SLC7A1: variants seen among roughly 807,000 people sequenced by gnomAD.
SLC7A1 encodes high affinity cationic amino acid transporter 1.
SLC7A1 carries 10 observed loss-of-function variants against 53.9 expected under a neutral mutation model. The observed-to-expected ratio is 0.19, with a 90% CI of 0.11 to 0.31. SLC7A1 has a LOEUF of 0.31. Ranked by LOEUF, SLC7A1 falls within the 10% of genes least tolerant of loss-of-function variation. SLC7A1 has a pLI of 1.00. For synonymous variants in SLC7A1, 342 were observed against 338.7 expected (o/e 1.01, Z -0.11); for missense variants, 525 against 827.2 (o/e 0.63, Z 4.48).
chr13:29,522,166 C>A, intron 8 of SLC7A1, 151 bp downstream of exon 8: 1 of 847,458 alleles, frequency 1.2e-6, no homozygotes, highest in Non-Finnish European at 1.9e-6. Flanking sequence ...GGTCAGTCAA[C>A]TTTCAATGAA....
chr13:29,521,686 C>T (rs898800371), intron 8 of SLC7A1, among the ~76,000 whole-genome samples: 1 of 151,934 alleles, frequency 6.6e-6, no homozygotes, highest in African/African-American at 2.4e-5. Context: ...GTTCTCCTTT[C>T]CTTCATCTGG....
At chr13:29,526,424 A>G (rs1175565640) in intron 5 of SLC7A1, among the ~76,000 whole-genome samples, 1 of 152,140 alleles carries the variant, frequency 6.6e-6, no homozygotes, top group Non-Finnish European at 1.5e-5. Context: ...TTGAGCCATG[A>G]TTGTGCCACT....
chr13:29,514,314 G>T lies in SLC7A1; in HGVS notation c.*166C>A. ...CAGGGCCCGGAGAACCGGCTGCAGAGCCGAGGGTGGGCTGGGGCTGCAGGT... is the reference window on the plus strand; with the variant it reads ...CAGGGCCCGGAGAACCGGCTGCAGATCCGAGGGTGGGCTGGGGCTGCAGGT... On this transcript the variant is annotated 3_prime_UTR_variant, in exon 13 of 13. Coordinates refer to ENST00000380752, the MANE Select transcript of SLC7A1 (RefSeq NM_003045.5). The T allele has an allele frequency of 1.6e-6, 1 of 607,316 alleles. No homozygotes were observed. The highest frequency in any genetic ancestry group is 3.0e-6 in the Non-Finnish European group (1 of 337,736). 37.6% of individuals were successfully genotyped at this position (607,316 alleles called of 1,614,324 possible).
Position 29,530,578 on chromosome 13 carries a change from C to T in SLC7A1, c.664G>A (p.Glu222Lys). ...GSVKNWQLTE[E>K]DFGNTSGRLC... ...CGGCCTGATGTGTTCCCAAAATCCT[C>T]CTCCGTGAGCTGCCAGTTTTTAACC... The change falls in exon 5 of 13, where the codon GAG (glutamate) becomes AAG (lysine). Residue 222 changes from glutamate to lysine, a missense_variant. By Grantham distance (56) the Glu-to-Lys change is moderately conservative. This residue lies in a region of SLC7A1 where 354 missense variants were observed against 587.5 expected (regional missense o/e 0.60). Transcript: ENST00000380752. 6.2e-7 allele frequency: 1 copy of T among 1,614,184 alleles called. No individual in the cohort carries two copies. Among genetic ancestry groups the T allele is most frequent in the South Asian group, 1.1e-5 (1 of 91,082 alleles).
chr13:29,522,229 A>G, intron 8 of SLC7A1, 88 bp downstream of exon 8: 1 of 1,331,292 alleles, frequency 7.5e-7, no homozygotes, highest in Non-Finnish European at 1.1e-6. Context: ...AAGATTACTC[A>G]CAGACCAGAA....
Position 29,517,279 on chromosome 13 carries a change from G to A in SLC7A1, c.1542C>T (p.Thr514=), listed in dbSNP as rs749036397. The A allele has an allele frequency of 1.2e-5, 20 of 1,613,058 alleles. No homozygotes were observed. The highest frequency in any genetic ancestry group is 1.5e-5 in the Non-Finnish European group (18 of 1,179,648). ...AVLIITFCIV[T]VLGREALTKG... is the part of the protein sequence containing the mutation. ...TGGTGAGAGCCTCCCTTCCAAGCAC[G>A]GTCACAATGCAGAAGGTGATGATGA... is the stretch of plus-strand genomic sequence containing the variant. The change falls in exon 11 of 13, where the codon ACC becomes ACT. Residue 514 remains threonine (T), a synonymous_variant. Coordinates refer to ENST00000380752, the MANE Select transcript of SLC7A1 (RefSeq NM_003045.5).
At chr13:29,548,862 A>C (rs1322222562) in intron 2 of SLC7A1, among the ~76,000 whole-genome samples, 1 of 152,234 alleles carries the variant, frequency 6.6e-6, no homozygotes, top group Non-Finnish European at 1.5e-5. Context: ...TTATCTACGC[A>C]GTTCATGTCA....
Position 29,517,636 on chromosome 13 carries a change from G to A in SLC7A1, c.1447C>T (p.Pro483Ser), listed in dbSNP as rs1162298791. ...EMFSLKTILS[P>S]KNMEPSKISG... is the part of the protein sequence containing the mutation. Reference sequence around the variant, plus strand: ...ATTTTGGAAGGCTCCATGTTTTTGGGTGAGAGTATGGTTTTCAAAGAGAAC... The same window carrying A: ...ATTTTGGAAGGCTCCATGTTTTTGGATGAGAGTATGGTTTTCAAAGAGAAC... Residue 483 changes from proline to serine, a missense_variant, in exon 10 of 13, where the codon CCC (proline) becomes TCC (serine). Transcript: ENST00000380752. 6.2e-6 allele frequency: 10 copies of A among 1,614,198 alleles called. No homozygotes were observed. The East Asian group carries it at 1.6e-4, about 25-fold the overall frequency.
chr13:29,514,934 A>G (rs1480869213), intron 12 of SLC7A1, among the ~76,000 whole-genome samples: 1 of 152,196 alleles, frequency 6.6e-6, no homozygotes, highest in Non-Finnish European at 1.5e-5. Flanking sequence ...GAGAATGTGC[A>G]CTATGGAGAT....
intron 1 of SLC7A1, among the ~76,000 whole-genome samples, chr13:29,577,867 G>A (rs116913783): frequency 1.4e-4 from 22 of 152,266 alleles, no homozygotes; most frequent in Non-Finnish European, 2.4e-4. Flanking sequence ...GCTAGCCCCC[G>A]CGTGCTGGGC....
intron 1 of SLC7A1, among the ~76,000 whole-genome samples, chr13:29,571,505 C>T (rs567084777): frequency 5.3e-5 from 8 of 151,110 alleles, no homozygotes; most frequent in African/African-American, 7.2e-5. Context: ...CTTTCTAGAT[C>T]GCAATGAAGT....
At chr13:29,556,438 C>T (rs912830378) in intron 1 of SLC7A1, among the ~76,000 whole-genome samples, 5 of 152,088 alleles carry the variant, frequency 3.3e-5, no homozygotes, top group Admixed American at 2.0e-4. Flanking sequence ...AATGCAGTGG[C>T]ACAATCTTGG....
chr13:29,579,877 G>T (rs1470541713), intron 1 of SLC7A1, among the ~76,000 whole-genome samples: 3 of 152,098 alleles, frequency 2.0e-5, no homozygotes, highest in African/African-American at 4.8e-5. Flanking sequence ...ATGTTTCTGG[G>T]CTAACACAGG....
At position 29,539,398 on chromosome 13, in the gene SLC7A1, C is replaced by T. The variant is rs118073669; in HGVS notation, c.-14-3196G>A. 7.9e-5 allele frequency among the ~76,000 whole-genome samples: 12 copies of T among 152,258 alleles called. No homozygotes were observed. The East Asian group carries it at 2.1e-3, about 27-fold the overall frequency. ...TGCAAAGCCTATGTGCACACATGCA[C>T]GTATGTCACCACAGCACAGATCACT... On this transcript the variant is annotated intron_variant, in intron 2 of 12. Transcript: ENST00000380752.
chr13:29,588,665 A>G (rs1593587247), intron 1 of SLC7A1, among the ~76,000 whole-genome samples: 1 of 151,748 alleles, frequency 6.6e-6, no homozygotes, highest in Admixed American at 6.6e-5. Flanking sequence ...CACCAACACC[A>G]GGCTAACTTT....
chr13:29,539,248 C>T, intron 2 of SLC7A1, among the ~76,000 whole-genome samples: 1 of 152,160 alleles, frequency 6.6e-6, no homozygotes, highest in East Asian at 1.9e-4. Context: ...AGATTCTTGG[C>T]AAGGAGCGCA....
At chr13:29,588,596 C>T (rs1320042167) in intron 1 of SLC7A1, among the ~76,000 whole-genome samples, 1 of 150,546 alleles carries the variant, frequency 6.6e-6, no homozygotes, top group East Asian at 2.0e-4. Context: ...CTCCGCCTCC[C>T]GGGTTCAAGT....
chr13:29,526,489 CT>C (rs775028248), intron 5 of SLC7A1, among the ~76,000 whole-genome samples: 2 of 152,054 alleles, frequency 1.3e-5, no homozygotes, highest in Non-Finnish European at 2.9e-5. Flanking sequence ...AAAATCCTGT[CT>C]CTAAAATAAT....
chr13:29,554,992 T>C (rs1385017883), intron 1 of SLC7A1, among the ~76,000 whole-genome samples: 3 of 152,230 alleles, frequency 2.0e-5, no homozygotes, highest in Non-Finnish European at 4.4e-5. Context: ...GCTTTCCTCA[T>C]GACCATCGTG....
Sources: gnomAD v4.1 joint callset for allele counts (sites outside exome capture counted in the v4.1 genomes callset) on GRCh38, gnomAD v4.1.1 for gene constraint, gnomAD v4.1.1 regional missense constraint, MANE v1.5 for transcripts, NCBI Gene and HGNC (gene_info 2026-07-23, HGNC 2026-07-21) for gene names.